MGRN1: variants seen among roughly 807,000 people sequenced by gnomAD.
The protein encoded by MGRN1 is E3 ubiquitin-protein ligase MGRN1.
MGRN1 carries 29 observed loss-of-function variants against 69.2 expected under a neutral mutation model. The observed-to-expected ratio is 0.42, with a 90% CI of 0.31 to 0.57. The LOEUF is 0.57. Ranked by LOEUF, MGRN1 falls within the 20% of genes least tolerant of loss-of-function variation. The probability of loss-of-function intolerance (pLI) is 0.15; values close to 1 mark genes in which losing one functional copy is unlikely to be tolerated. For missense variants in MGRN1, 998 were observed against 796.2 expected, an observed-to-expected ratio of 1.25 and a Z score of -3.05; for synonymous variants, 470 against 344.2, an observed-to-expected ratio of 1.37 and a Z score of -4.04.
intron 3 of MGRN1, 111 bp from the exon 4 acceptor site, chr16:4,652,567 G>C (rs1183328131): frequency 7.4e-7 from 1 of 1,354,120 alleles, no homozygotes; most frequent in South Asian, 1.5e-5. Flanking sequence ...CTGGAGAAGC[G>C]GGCTGTGTCC....
chr16:4,663,365 G>GTTT (rs1183914569), intron 5 of MGRN1, among the ~76,000 whole-genome samples: 1,545 of 61,806 alleles, frequency 0.025, 291 homozygotes, highest in East Asian at 0.088. Context: ...ACCTGGCCTT[G>GTTT]TTTTTTTTTT....
chr16:4,645,285 GTGTC>G (rs1271781947), intron 1 of MGRN1, among the ~76,000 whole-genome samples: 4 of 152,028 alleles, frequency 2.6e-5, no homozygotes, highest in African/African-American at 9.7e-5. Flanking sequence ...GCCTCAGTGA[GTGTC>G]CTGAGTAGCT....
chr16:4,675,662 T>C (rs956459058), intron 10 of MGRN1, among the ~76,000 whole-genome samples: 2 of 151,100 alleles, frequency 1.3e-5, no homozygotes, highest in African/African-American at 4.9e-5. Flanking sequence ...GCCTGGGAGG[T>C]TGAGGGTGCA....
intron 1 of MGRN1, among the ~76,000 whole-genome samples, chr16:4,643,710 A>C (rs1358016742): frequency 6.6e-6 from 1 of 152,138 alleles, no homozygotes; most frequent in Non-Finnish European, 1.5e-5. Context: ...CTGCAACCAA[A>C]ATATGCGCAC....
intron 1 of MGRN1, among the ~76,000 whole-genome samples, chr16:4,643,254 C>G (rs1342161597): frequency 1.3e-5 from 2 of 152,188 alleles, no homozygotes; most frequent in East Asian, 3.9e-4. Flanking sequence ...GCCACTGAGC[C>G]TGGACTAATT....
At chr16:4,681,477 G>C in intron 12 of MGRN1, 73 bp from the exon 13 acceptor site, 1 of 1,411,594 alleles carries the variant, frequency 7.1e-7, no homozygotes, top group Non-Finnish European at 9.8e-7. Flanking sequence ...GTGGACAGGA[G>C]GTCATCAGGA....
chr16:4,666,909 G>A (rs945837304), intron 7 of MGRN1, among the ~76,000 whole-genome samples: 1 of 152,194 alleles, frequency 6.6e-6, no homozygotes, highest in African/African-American at 2.4e-5. Context: ...CAGGATGGAC[G>A]AGGGGTTGCT....
Position 4,665,168 on chromosome 16 carries a change from C to G in MGRN1, c.678+17C>G. On this transcript the variant is annotated intron_variant, in intron 7 of 16. Coordinates refer to ENST00000262370, the MANE Select transcript of MGRN1 (RefSeq NM_015246.4). ...TTTGAAAAGGTAAGTGCCATCTGGC[C>G]ATCACTTTCCCGGGGACCTGGGAGC... is the stretch of plus-strand genomic sequence containing the variant. 1 of 1,614,078 alleles carries G rather than the reference C, an allele frequency of 6.2e-7. No homozygotes were observed. The highest frequency in any genetic ancestry group is 1.1e-5 in the South Asian group (1 of 91,058).
intron 1 of MGRN1, among the ~76,000 whole-genome samples, chr16:4,646,912 G>C (rs909490159): frequency 6.6e-6 from 1 of 152,014 alleles, no homozygotes; most frequent in Non-Finnish European, 1.5e-5. Context: ...CCAGTGCCTC[G>C]GCCTGGAAGG....
rs769658420 is a variant in MGRN1, at chr16:4,682,971, GCGCACC to G, written c.1482+29_1482+34del. 20 of 1,525,196 alleles carry G rather than the reference GCGCACC, an allele frequency of 1.3e-5. No homozygotes were observed. In the Admixed American group the frequency reaches 2.2e-4, roughly 17 times the overall value. 94.5% of individuals were successfully genotyped at this position (1,525,196 alleles called of 1,614,324 possible). On this transcript the variant is annotated intron_variant, in intron 14 of 16. Coordinates refer to ENST00000262370, the MANE Select transcript of MGRN1 (RefSeq NM_015246.4). Reference sequence around the variant, plus strand: ...GGTGAGGCCCCCCCGGGGAAGCTTTGCGCACCCGCCCGGGCCAGCCCTCCTCCAGCT... The same window carrying G: ...GGTGAGGCCCCCCCGGGGAAGCTTTGCGCCCGGGCCAGCCCTCCTCCAGCT...
At chr16:4,642,466 TTGTGTGTGTGTG>T (rs143119735) in intron 1 of MGRN1, among the ~76,000 whole-genome samples, 26 of 141,820 alleles carry the variant, frequency 1.8e-4, no homozygotes, top group South Asian at 9.1e-4. Flanking sequence ...GCCAGCTAAT[TTGTGTGTGTGTG>T]TGTGTGTGTG....
rs1203785394 is a variant in MGRN1 at position 4,645,154 on chromosome 16, GGGTGGT to G, written c.89-5205_89-5200del. On this transcript the variant is annotated intron_variant, in intron 1 of 16. Transcript: ENST00000262370. ...ATAGAGTGAGAGTTGGCGGGGGTGGGGGTGGTGGTGGGGGGACGGGAAGAGAGACAG... is the reference window on the plus strand; with the variant it reads ...ATAGAGTGAGAGTTGGCGGGGGTGGGGGTGGGGGGACGGGAAGAGAGACAG... 7.7e-3 allele frequency among the ~76,000 whole-genome samples: 1,144 copies of G among 148,656 alleles called. 9 individuals are homozygous for G. The highest frequency in any genetic ancestry group is 0.012 in the Non-Finnish European group (835 of 67,254).
intron 4 of MGRN1, 139 bp downstream of exon 4, chr16:4,652,963 G>A (rs972624764): frequency 8.4e-7 from 1 of 1,187,082 alleles, no homozygotes; most frequent in African/African-American, 1.6e-5. Context: ...ACCACGATGT[G>A]AGGGGTTTCT....
Position 4,660,048 on chromosome 16 carries a change from G to C in MGRN1, c.561+2685G>C, listed in dbSNP as rs148559984. Among the ~76,000 whole-genome samples the C allele has an allele frequency of 1.0e-3, 153 of 152,344 alleles. 1 individual carries two copies. The highest frequency in any genetic ancestry group is 3.5e-3 in the African/African-American group (147 of 41,588). ...TAGGAGGGAGACGCTTCCCCGAAGA[G>C]AACCTGAGGGGCTCAGATGCTGGGC... On this transcript the variant is annotated intron_variant, in intron 5 of 16. Coordinates refer to ENST00000262370, the MANE Select transcript of MGRN1 (RefSeq NM_015246.4).
intron 1 of MGRN1, among the ~76,000 whole-genome samples, chr16:4,637,598 G>A (rs77279602): frequency 6.6e-6 from 1 of 152,332 alleles, no homozygotes; most frequent in East Asian, 1.9e-4. Context: ...GGCTCCGAGG[G>A]AAGTCCCAGT....
At chr16:4,651,523 C>T (rs2078406032) in intron 2 of MGRN1, among the ~76,000 whole-genome samples, 1 of 152,108 alleles carries the variant, frequency 6.6e-6, no homozygotes, top group South Asian at 2.1e-4. Flanking sequence ...TGAGAGGGTG[C>T]AGGCCTCAGG....
chr16:4,660,243 C>G (rs943058058), intron 5 of MGRN1, among the ~76,000 whole-genome samples: 8 of 152,224 alleles, frequency 5.3e-5, no homozygotes, highest in Admixed American at 2.0e-4. Flanking sequence ...TTCTGCAGCT[C>G]TGTGAGCCTG....
chr16:4,631,861 A>G (rs1898017358), intron 1 of MGRN1, among the ~76,000 whole-genome samples: 1 of 150,946 alleles, frequency 6.6e-6, no homozygotes, highest in African/African-American at 2.4e-5. Flanking sequence ...GAATCCATGA[A>G]CATGGTATAT....
intron 1 of MGRN1, among the ~76,000 whole-genome samples, chr16:4,625,397 T>G (rs1160638902): frequency 2.0e-5 from 3 of 152,206 alleles, no homozygotes; most frequent in African/African-American, 7.2e-5. Context: ...GCATCGCTTC[T>G]GCCTAGAAAA....
Sources: gnomAD v4.1 joint callset for allele counts (sites outside exome capture counted in the v4.1 genomes callset) on GRCh38, gnomAD v4.1.1 for gene constraint, MANE v1.5 for transcripts, NCBI Gene and HGNC (gene_info 2026-07-23, HGNC 2026-07-21) for gene names.